NFILZ: variants seen among roughly 807,000 people sequenced by gnomAD.
NFILZ encodes NFIL3 like basic leucine zipper.
chr19:8,678,886 G>T lies in NFILZ; in HGVS notation c.*1251G>T, dbSNP rs2043131650. ...GTGACAAGTGAGAAGACACTTTTCT[G>T]GTCTTGGGTTTCCTGTCCTGGGGTA... On this transcript the variant is annotated 3_prime_UTR_variant, in exon 6 of 6. Transcript: ENST00000691075. Among the ~76,000 whole-genome samples the T allele has an allele frequency of 6.6e-6, 1 of 152,154 alleles. No individual in the cohort carries two copies. Among genetic ancestry groups the T allele is most frequent in the East Asian group, 1.9e-4 (1 of 5,204 alleles).
At chr19:8,675,079 A>T (rs1477127636) in intron 4 of NFILZ, among the ~76,000 whole-genome samples, 3 of 152,170 alleles carry the variant, frequency 2.0e-5, no homozygotes, top group African/African-American at 4.8e-5. Context: ...ACAAGTGTTT[A>T]TTTACCACCT....
intron 3 of NFILZ, among the ~76,000 whole-genome samples, chr19:8,644,674 C>CA (rs1483461970): frequency 6.6e-6 from 1 of 152,012 alleles, no homozygotes; most frequent in Non-Finnish European, 1.5e-5. Context: ...CCGTGTTGCC[C>CA]AGGCTGGTCT....
At chr19:8,664,544 T>G (rs2043053093) in intron 3 of NFILZ, among the ~76,000 whole-genome samples, 1 of 151,996 alleles carries the variant, frequency 6.6e-6, no homozygotes, top group Non-Finnish European at 1.5e-5. Context: ...AAGACTGAGT[T>G]CCCACAGAAG....
chr19:8,656,520 C>G (rs1198538571), intron 3 of NFILZ, among the ~76,000 whole-genome samples: 1 of 149,096 alleles, frequency 6.7e-6, no homozygotes, highest in African/African-American at 2.5e-5. Flanking sequence ...CTCCTGCAGC[C>G]CACCTTCTCT....
chr19:8,659,196 C>T (rs782075875), intron 3 of NFILZ, among the ~76,000 whole-genome samples: 5 of 144,658 alleles, frequency 3.5e-5, no homozygotes, highest in Admixed American at 7.0e-5. Context: ...GGCAGTGAGC[C>T]GAGATCACAC....
In NFILZ at chr19:8,677,087, C is replaced by G. The variant is rs1439416753; in HGVS notation, c.322C>G (p.Pro108Ala). 2 of 152,794 alleles carry G rather than the reference C, an allele frequency of 1.3e-5. No homozygotes were observed. Among genetic ancestry groups the G allele is most frequent in the Non-Finnish European group, 2.9e-5 (2 of 68,378 alleles). 9.5% of individuals were successfully genotyped at this position (152,794 alleles called of 1,614,324 possible). A position where few individuals can be genotyped will look rare whatever the true frequency, so the allele number is the denominator to read the frequency against. Residue 108 changes from proline (P) to alanine (A), a missense_variant, in exon 6 of 6, where the codon CCC becomes GCC. Transcript: ENST00000691075. ...LPLTGGPRALPLQALLLEAPW... is the reference protein window; with the variant it reads ...LPLTGGPRALALQALLLEAPW... ...CCTGACTGGTGGGCCCCGGGCCTTG[C>G]CCCTGCAGGCTCTGCTATTGGAAGC...
chr19:8,640,931 C>A (rs1390204258), intron 3 of NFILZ, among the ~76,000 whole-genome samples: 1 of 151,894 alleles, frequency 6.6e-6, no homozygotes, highest in Non-Finnish European at 1.5e-5. Context: ...ATCACTCAAG[C>A]CTGGAAGAAG....
At chr19:8,643,733 A>G (rs1347305455) in intron 3 of NFILZ, among the ~76,000 whole-genome samples, 2 of 152,130 alleles carry the variant, frequency 1.3e-5, no homozygotes, top group Non-Finnish European at 2.9e-5. Context: ...GAACAATACC[A>G]TGAATCTTCC....
At chr19:8,662,202 C>G (rs1462373456) in intron 3 of NFILZ, among the ~76,000 whole-genome samples, 3 of 135,798 alleles carry the variant, frequency 2.2e-5, no homozygotes, top group African/African-American at 5.7e-5. Context: ...AAGACTCTGT[C>G]TTAAAAAAAA....
Position 8,676,411 on chromosome 19 carries a change from C to G in NFILZ, c.-61C>G, listed in dbSNP as rs530856584. On this transcript the variant is annotated 5_prime_UTR_variant, in exon 5 of 6. Coordinates refer to ENST00000691075, the MANE Select transcript of NFILZ (RefSeq NM_001378600.1). Reference sequence around the variant, plus strand: ...GGTTTCCAAGAATCTTACCTTGGAACTCCAATTGAACTGAGCCCTGGGCTT... The same window carrying G: ...GGTTTCCAAGAATCTTACCTTGGAAGTCCAATTGAACTGAGCCCTGGGCTT... Among the ~76,000 whole-genome samples the G allele has an allele frequency of 1.1e-3, 172 of 152,326 alleles. No individual in the cohort carries two copies. The highest frequency in any genetic ancestry group is 3.4e-3 in the Middle Eastern group (1 of 294).
intron 2 of NFILZ, among the ~76,000 whole-genome samples, chr19:8,634,340 A>C (rs1555745873): frequency 6.6e-6 from 1 of 151,496 alleles, no homozygotes; most frequent in African/African-American, 2.4e-5. Flanking sequence ...TCTGTTGCCC[A>C]GGCTGGATTG....
At chr19:8,656,445 C>CCTGCAGCCCACCTTCTCTCT in intron 3 of NFILZ, among the ~76,000 whole-genome samples, 1 of 18,870 alleles carries the variant, frequency 5.3e-5, no homozygotes, top group African/African-American at 1.2e-4. Context: ...ACCTTCTCCT[C>CCTGCAGCCCACCTTCTCTCT]GAAGCCCACC....
chr19:8,669,383 T>G (rs1555750089), intron 3 of NFILZ, among the ~76,000 whole-genome samples: 1 of 152,234 alleles, frequency 6.6e-6, no homozygotes, highest in Non-Finnish European at 1.5e-5. Flanking sequence ...ATTCCCCTTT[T>G]GCAGATGAGA....
In NFILZ at chr19:8,678,048, CCA is replaced by C. The variant is rs2146176900; in HGVS notation, c.*414_*415del. On this transcript the variant is annotated 3_prime_UTR_variant, in exon 6 of 6. Coordinates refer to ENST00000691075, the MANE Select transcript of NFILZ (RefSeq NM_001378600.1). ...TCCATCTATCCATCCATCCATCCAT[CCA>C]TCCACCCATCTATTCATCCATCCAT... is the stretch of plus-strand genomic sequence containing the variant. Among the ~76,000 whole-genome samples, 1 of 119,508 alleles carries C rather than the reference CCA, an allele frequency of 8.4e-6. No homozygotes were observed. The highest frequency in any genetic ancestry group is 3.1e-5 in the African/African-American group (1 of 32,054). 78.4% of individuals were successfully genotyped at this position (119,508 alleles called of 152,430 possible). A position where few individuals can be genotyped will look rare whatever the true frequency, so the allele number is the denominator to read the frequency against.
intron 3 of NFILZ, among the ~76,000 whole-genome samples, chr19:8,641,924 G>T (rs1490143060): frequency 6.6e-6 from 1 of 152,016 alleles, no homozygotes; most frequent in Admixed American, 6.6e-5. Context: ...AAACTCCCAG[G>T]CTCAAGGGAT....
intron 3 of NFILZ, among the ~76,000 whole-genome samples, chr19:8,641,841 T>A (rs1057509003): frequency 6.8e-6 from 1 of 147,762 alleles, no homozygotes; most frequent in African/African-American, 2.5e-5. Context: ...TTTTTTTTTT[T>A]TAGAGAGAGC....
intron 3 of NFILZ, among the ~76,000 whole-genome samples, chr19:8,637,307 T>G (rs1555746192): frequency 6.6e-6 from 1 of 151,924 alleles, no homozygotes; most frequent in Non-Finnish European, 1.5e-5. Flanking sequence ...ATCACACCAC[T>G]GCACTCCAGC....
At chr19:8,645,750 A>G (rs1279383721) in intron 3 of NFILZ, among the ~76,000 whole-genome samples, 4 of 152,142 alleles carry the variant, frequency 2.6e-5, no homozygotes, top group Admixed American at 6.6e-5. Flanking sequence ...GTTAGCTGCA[A>G]TGTGGAGCCT....
At chr19:8,661,925 C>T (rs1424871620) in intron 3 of NFILZ, among the ~76,000 whole-genome samples, 2 of 151,850 alleles carry the variant, frequency 1.3e-5, no homozygotes, top group South Asian at 2.1e-4. Flanking sequence ...ATAGGCCAGG[C>T]GAGGTGGTTC....
Sources: allele counts gnomAD v4.1 joint callset (sites outside exome capture counted in the v4.1 genomes callset), GRCh38; gene constraint gnomAD v4.1.1; transcripts MANE v1.5; gene names NCBI Gene and HGNC (gene_info 2026-07-23, HGNC 2026-07-21).